The following ANO10 variants were observed in gnomAD, a reference collection of about 807,000 sequenced individuals.
ANO10 encodes the protein anoctamin-10.
A neutral mutation model predicts 74.7 loss-of-function variants in ANO10; 77 were observed. The observed-to-expected ratio is 1.03, with a 90% CI of 0.86 to 1.25. ANO10 has a LOEUF of 1.25. Among genes scored for constraint, ANO10 ranks in the 50% most tolerant of loss-of-function variants. ANO10 has a pLI of 0.00. For missense variants in ANO10, 721 were observed against 778.1 expected (o/e 0.93, Z 0.87); for synonymous variants, 279 against 284.9 (o/e 0.98, Z 0.21).
chr3:43,581,227 T>A (rs543713767), intron 4 of ANO10, among the ~76,000 whole-genome samples: 2 of 152,340 alleles, frequency 1.3e-5, no homozygotes, highest in Admixed American at 6.5e-5. Context: ...TTCTTGTTGA[T>A]ACAGAGTATT....
intron 12 of ANO10, among the ~76,000 whole-genome samples, chr3:43,396,080 T>A (rs199839695): frequency 0.18 from 27,470 of 151,382 alleles, 2,819 homozygotes; most frequent in African/African-American, 0.25. Flanking sequence ...TTATTTATTT[T>A]TTTTTTTTGC....
chr3:43,684,497 T>C (rs2084247544), intron 1 of ANO10, among the ~76,000 whole-genome samples: 1 of 152,196 alleles, frequency 6.6e-6, no homozygotes, highest in Admixed American at 6.5e-5. Context: ...TGTAAACTCG[T>C]TCAACCATTG....
chr3:43,598,739 GA>G (rs1365748905), intron 3 of ANO10, 73 bp from the exon 4 acceptor site: 2 of 1,223,002 alleles, frequency 1.6e-6, no homozygotes, highest in Non-Finnish European at 2.3e-6. Context: ...TGAGATTACA[GA>G]AATAATGGTA....
chr3:43,613,251 T>C (rs1284753990), intron 1 of ANO10, among the ~76,000 whole-genome samples: 2 of 151,834 alleles, frequency 1.3e-5, no homozygotes, highest in Non-Finnish European at 2.9e-5. Flanking sequence ...ATATTCAACA[T>C]GCTAGGTTCA....
chr3:43,612,152 A>ATATATT (rs1279937302), intron 1 of ANO10, among the ~76,000 whole-genome samples: 11 of 108,166 alleles, frequency 1.0e-4, no homozygotes, highest in Admixed American at 7.0e-4. Flanking sequence ...ATATATATAT[A>ATATATT]TATATATATA....
intron 11 of ANO10, among the ~76,000 whole-genome samples, chr3:43,537,611 CCACACACACACA>C (rs3223349): frequency 5.6e-4 from 78 of 140,056 alleles, no homozygotes; most frequent in East Asian, 4.0e-3. Context: ...ACTTTATAAA[CCACACACACACA>C]CACACACACA....
At chr3:43,369,493 C>T (rs2091529346) in intron 12 of ANO10, among the ~76,000 whole-genome samples, 1 of 152,244 alleles carries the variant, frequency 6.6e-6, no homozygotes, top group South Asian at 2.1e-4. Context: ...CTTTTAAAGC[C>T]ATGAATGACC....
chr3:43,527,487 T>G (rs1278079839), intron 11 of ANO10, among the ~76,000 whole-genome samples: 1 of 152,164 alleles, frequency 6.6e-6, no homozygotes, highest in Non-Finnish European at 1.5e-5. Flanking sequence ...ATTACAGAGT[T>G]CTGGGTTCTC....
chr3:43,661,145 C>T (rs2083920967), intron 1 of ANO10, among the ~76,000 whole-genome samples: 2 of 152,144 alleles, frequency 1.3e-5, no homozygotes, highest in South Asian at 4.1e-4. Flanking sequence ...ATGTTAAGAA[C>T]AGTCAGAGAG....
intron 11 of ANO10, among the ~76,000 whole-genome samples, chr3:43,548,136 C>T (rs898218865): frequency 2.0e-5 from 3 of 152,230 alleles, no homozygotes; most frequent in African/African-American, 7.2e-5. Flanking sequence ...TGTAAATTAA[C>T]CACCTGGCTT....
chr3:43,516,906 T>C (rs2077735694), intron 11 of ANO10, among the ~76,000 whole-genome samples: 1 of 152,182 alleles, frequency 6.6e-6, no homozygotes, highest in Non-Finnish European at 1.5e-5. Flanking sequence ...GGAGGTGACA[T>C]GCCTTCTTCT....
At chr3:43,619,431 C>T (rs186553056) in intron 1 of ANO10, among the ~76,000 whole-genome samples, 1 of 152,302 alleles carries the variant, frequency 6.6e-6, no homozygotes, top group Admixed American at 6.5e-5. Flanking sequence ...TCAACAATTG[C>T]ACCATCGTCA....
intron 1 of ANO10, among the ~76,000 whole-genome samples, chr3:43,683,772 A>G (rs1166855121): frequency 2.0e-5 from 3 of 152,046 alleles, no homozygotes; most frequent in African/African-American, 7.2e-5. Context: ...CAGAAATAAT[A>G]CCACACATCT....
chr3:43,652,586 T>C (rs2083799790), intron 1 of ANO10, among the ~76,000 whole-genome samples: 1 of 152,200 alleles, frequency 6.6e-6, no homozygotes, highest in Non-Finnish European at 1.5e-5. Flanking sequence ...GATGGTTGTA[T>C]AACTCCATAA....
chr3:43,483,885 A>C (rs1413190130), intron 11 of ANO10, among the ~76,000 whole-genome samples: 1 of 152,202 alleles, frequency 6.6e-6, no homozygotes, highest in Non-Finnish European at 1.5e-5. Flanking sequence ...GCTTTGTTTA[A>C]AGACAAAAGA....
intron 11 of ANO10, among the ~76,000 whole-genome samples, chr3:43,457,353 A>C (rs575496448): frequency 3.9e-4 from 60 of 152,350 alleles, no homozygotes; most frequent in Admixed American, 7.2e-4. Flanking sequence ...AAGAGGTTTA[A>C]CTGACTCACA....
intron 1 of ANO10, among the ~76,000 whole-genome samples, chr3:43,643,559 G>C (rs963804817): frequency 6.6e-6 from 1 of 151,674 alleles, no homozygotes; most frequent in African/African-American, 2.4e-5. Flanking sequence ...TGTAGGGAGT[G>C]ACTTGCATTT....
chr3:43,617,166 C>G (rs969140024), intron 1 of ANO10, among the ~76,000 whole-genome samples: 1 of 148,446 alleles, frequency 6.7e-6, no homozygotes, highest in Non-Finnish European at 1.5e-5. Context: ...ACCAAGCATA[C>G]GAGATGAAAA....
intron 1 of ANO10, among the ~76,000 whole-genome samples, chr3:43,631,647 C>T (rs910448297): frequency 6.6e-6 from 1 of 151,676 alleles, no homozygotes; most frequent in Non-Finnish European, 1.5e-5. Flanking sequence ...ACTAGATAAC[C>T]TCTGGGTCCC....
Sources: allele counts gnomAD v4.1 joint callset (sites outside exome capture counted in the v4.1 genomes callset), GRCh38; gene constraint gnomAD v4.1.1; transcripts MANE v1.5; gene names NCBI Gene and HGNC (gene_info 2026-07-23, HGNC 2026-07-21).